The following RTF2 variants were observed in gnomAD, a reference collection of about 807,000 sequenced individuals.
RTF2 encodes the protein UPF0549 protein C20orf43.
Under a neutral mutation model 38.0 loss-of-function variants are expected in RTF2, and 18 were observed. The observed-to-expected ratio is 0.47, with a 90% CI of 0.33 to 0.70. RTF2 has a LOEUF of 0.70. Ranked by LOEUF, RTF2 falls within the 30% of genes least tolerant of loss-of-function variation. The probability of loss-of-function intolerance (pLI) is 0.02; values close to 1 mark genes in which losing one functional copy is unlikely to be tolerated. For synonymous variants in RTF2, 126 were observed against 137.1 expected, an observed-to-expected ratio of 0.92 and a Z score of 0.57; for missense variants, 311 against 379.6, an observed-to-expected ratio of 0.82 and a Z score of 1.50.
chr20:56,478,000 A>G (rs113847912), intron 4 of RTF2, among the ~76,000 whole-genome samples: 20 of 152,348 alleles, frequency 1.3e-4, no homozygotes, highest in African/African-American at 4.8e-4. Context: ...TTTAAAAAAT[A>G]CGGACGGTTG....
At chr20:56,510,873 A>T (rs1984617222) in intron 5 of RTF2, among the ~76,000 whole-genome samples, 1 of 152,176 alleles carries the variant, frequency 6.6e-6, no homozygotes, top group Non-Finnish European at 1.5e-5. Flanking sequence ...GGATGGCTTG[A>T]GCCTGGGAGG....
At chr20:56,494,590 T>C (rs1168854263) in intron 5 of RTF2, among the ~76,000 whole-genome samples, 2 of 152,210 alleles carry the variant, frequency 1.3e-5, no homozygotes, top group Admixed American at 1.3e-4. Flanking sequence ...GGATCCCTAA[T>C]TGAATCATAT....
At chr20:56,481,630 T>C (rs74347534) in intron 4 of RTF2, among the ~76,000 whole-genome samples, 36 of 139,050 alleles carry the variant, frequency 2.6e-4, no homozygotes, top group Non-Finnish European at 5.9e-5. Context: ...TACACACACA[T>C]ATACACACAC....
chr20:56,501,120 C>G (rs1404651382), intron 5 of RTF2, among the ~76,000 whole-genome samples: 1 of 152,094 alleles, frequency 6.6e-6, no homozygotes, highest in Non-Finnish European at 1.5e-5. Context: ...CTTTGGAGAT[C>G]TCACTGCTGT....
chr20:56,518,056 C>A, intron 8 of RTF2, 31 bp from the exon 9 acceptor site: 1 of 1,589,292 alleles, frequency 6.3e-7, no homozygotes, highest in Non-Finnish European at 8.6e-7. Flanking sequence ...TTTATCCCAA[C>A]CCTGACAGTT....
At chr20:56,493,675 C>T (rs6014751) in intron 5 of RTF2, among the ~76,000 whole-genome samples, 142,337 of 149,014 alleles carry the variant, frequency 0.96, 68,055 homozygotes, top group East Asian at 1. Flanking sequence ...AAAAAAAAGA[C>T]TACAAATATG....
intron 5 of RTF2, among the ~76,000 whole-genome samples, chr20:56,494,353 A>G (rs927332725): frequency 1.3e-5 from 2 of 152,144 alleles, no homozygotes; most frequent in Admixed American, 6.5e-5. Flanking sequence ...ATTCTGAATC[A>G]TTACTTTATT....
At chr20:56,497,509 C>CT in intron 5 of RTF2, 3 of 1,472,796 alleles carry the variant, frequency 2.0e-6, no homozygotes, top group Non-Finnish European at 2.7e-6. Context: ...GGTTCTTCTT[C>CT]TGATTCTGCA....
intron 4 of RTF2, among the ~76,000 whole-genome samples, chr20:56,477,763 C>T (rs1413794351): frequency 1.3e-5 from 2 of 152,168 alleles, no homozygotes; most frequent in Non-Finnish European, 2.9e-5. Flanking sequence ...AACGATCCTC[C>T]CAAAGCGCTG....
Position 56,477,092 on chromosome 20 carries a change from C to G in RTF2, c.366C>G (p.Pro122=). The G allele has an allele frequency of 1.1e-5, 18 of 1,613,956 alleles. No homozygotes were observed. Among genetic ancestry groups the G allele is most frequent in the Non-Finnish European group, 1.4e-5 (17 of 1,179,942 alleles). Residue 122 remains proline (P), a synonymous_variant, in exon 4 of 9, where the codon CCC becomes CCG. Coordinates refer to ENST00000357348, the MANE Select transcript of RTF2 (RefSeq NM_016407.5). ...DDLQRARFIC[P]VVGLEMNGRH... ...TCCAGCGGGCGCGTTTCATCTGCCC[C>G]GTTGTGGGCCTGGAGATGAACGGCC...
chr20:56,496,372 A>G (rs1333687852), intron 5 of RTF2, among the ~76,000 whole-genome samples: 2 of 152,134 alleles, frequency 1.3e-5, no homozygotes, highest in Non-Finnish European at 2.9e-5. Context: ...ACATAGACAA[A>G]CACTGTCTCT....
chr20:56,497,909 A>G (rs77834203), intron 5 of RTF2, among the ~76,000 whole-genome samples: 346 of 152,346 alleles, frequency 2.3e-3, no homozygotes, highest in African/African-American at 7.9e-3. Flanking sequence ...CTCTTTAAGA[A>G]ACTGCCAAAC....
chr20:56,471,540 C>G (rs1024373752), intron 1 of RTF2: 1 of 152,346 alleles, frequency 6.6e-6, no homozygotes, highest in Non-Finnish European at 1.5e-5. Flanking sequence ...TGCACTCCAG[C>G]CTGGGCGACA....
At chr20:56,505,487 C>CATA (rs60767194) in intron 5 of RTF2, among the ~76,000 whole-genome samples, 2,905 of 139,616 alleles carry the variant, frequency 0.021, 42 homozygotes, top group African/African-American at 0.033. Context: ...GATGCCATCT[C>CATA]ATAATAATAA....
chr20:56,508,921 G>A (rs996656837), intron 5 of RTF2, among the ~76,000 whole-genome samples: 1 of 152,174 alleles, frequency 6.6e-6, no homozygotes, highest in Non-Finnish European at 1.5e-5. Flanking sequence ...AAACCACTTA[G>A]GAGAAACGCA....
At chr20:56,514,720 C>T (rs2146379935) in intron 6 of RTF2, among the ~76,000 whole-genome samples, 1 of 152,294 alleles carries the variant, frequency 6.6e-6, no homozygotes, top group African/African-American at 2.4e-5. Context: ...GAGCCAAAGG[C>T]ATTTGTATTT....
intron 5 of RTF2, among the ~76,000 whole-genome samples, chr20:56,486,897 G>A (rs994284556): frequency 5.3e-5 from 8 of 152,090 alleles, no homozygotes; most frequent in Non-Finnish European, 7.4e-5. Flanking sequence ...AGGTGTGATC[G>A]AGGCCTGGTC....
intron 5 of RTF2, among the ~76,000 whole-genome samples, chr20:56,490,030 T>G (rs1203407391): frequency 6.6e-6 from 1 of 152,222 alleles, no homozygotes; most frequent in Non-Finnish European, 1.5e-5. Context: ...GGATTAGATA[T>G]CCAAGGGGAA....
intron 5 of RTF2, among the ~76,000 whole-genome samples, chr20:56,506,927 C>T (rs1364080142): frequency 3.3e-5 from 5 of 152,162 alleles, no homozygotes; most frequent in Non-Finnish European, 7.3e-5. Flanking sequence ...GTCTCGATCT[C>T]TTGACCTCGT....
Sources: gnomAD v4.1 joint callset for allele counts (sites outside exome capture counted in the v4.1 genomes callset) on GRCh38, gnomAD v4.1.1 for gene constraint, MANE v1.5 for transcripts, NCBI Gene and HGNC (gene_info 2026-07-23, HGNC 2026-07-21) for gene names.